Variants in SIRT1 observed in about 807,000 individuals in gnomAD.
SIRT1 encodes the protein sirtuin 1.
A neutral mutation model predicts 67.9 loss-of-function variants in SIRT1; 24 were observed. That is an observed-to-expected ratio of 0.35 (90% confidence interval 0.26 to 0.50). The LOEUF is 0.50. Ranked by LOEUF, SIRT1 falls within the 20% of genes least tolerant of loss-of-function variation. SIRT1 has a pLI of 0.98. For synonymous variants in SIRT1, 378 were observed against 350.7 expected (o/e 1.08, Z -0.87); for missense variants, 873 against 937.2 (o/e 0.93, Z 0.89).
At chr10:67,893,791 T>C (rs934198570) in intron 4 of SIRT1, among the ~76,000 whole-genome samples, 3 of 152,152 alleles carry the variant, frequency 2.0e-5, no homozygotes, top group African/African-American at 4.8e-5. Context: ...GGTCCGCCCA[T>C]CTCAGCCTCC....
intron 4 of SIRT1, among the ~76,000 whole-genome samples, chr10:67,897,733 G>A (rs549017271): frequency 6.6e-6 from 1 of 151,630 alleles, no homozygotes; most frequent in African/African-American, 2.4e-5. Flanking sequence ...CCTGACCTCA[G>A]GTGATCCACC....
chr10:67,906,077 C>G (rs1842816783), intron 4 of SIRT1: 1 of 1,134,692 alleles, frequency 8.8e-7, no homozygotes, highest in Non-Finnish European at 1.1e-6. Context: ...TTAATAAAAA[C>G]ACTGTCAAAA....
At chr10:67,893,839 C>T (rs528855993) in intron 4 of SIRT1, among the ~76,000 whole-genome samples, 1 of 152,154 alleles carries the variant, frequency 6.6e-6, no homozygotes, top group African/African-American at 2.4e-5. Context: ...CACCGCGCCC[C>T]GCGCCCTGCC....
intron 4 of SIRT1, among the ~76,000 whole-genome samples, chr10:67,904,123 G>GTTTTTTTTTTTT (rs1262495636): frequency 8.7e-5 from 10 of 115,450 alleles, no homozygotes; most frequent in Non-Finnish European, 1.8e-4. Context: ...AGTTTTTTTT[G>GTTTTTTTTTTTT]TTTGTTTTTT....
intron 2 of SIRT1, among the ~76,000 whole-genome samples, chr10:67,887,939 T>C (rs1175858303): frequency 1.3e-5 from 2 of 152,228 alleles, no homozygotes; most frequent in Admixed American, 6.5e-5. Context: ...CCTCACTTCA[T>C]ATTCCTTGTT....
At chr10:67,898,080 T>A in intron 4 of SIRT1, among the ~76,000 whole-genome samples, 1 of 147,208 alleles carries the variant, frequency 6.8e-6, no homozygotes. Context: ...ACCAACATGG[T>A]GAAACCCTGT....
intron 4 of SIRT1, among the ~76,000 whole-genome samples, chr10:67,905,663 T>C (rs1455416012): frequency 6.6e-6 from 1 of 152,214 alleles, no homozygotes; most frequent in Non-Finnish European, 1.5e-5. Flanking sequence ...CCACATCTGC[T>C]TACAGCCTGT....
intron 4 of SIRT1, among the ~76,000 whole-genome samples, chr10:67,903,650 G>A (rs185433637): frequency 1.3e-5 from 2 of 152,174 alleles, no homozygotes; most frequent in Admixed American, 6.5e-5. Flanking sequence ...GCCACCCAAA[G>A]TGCTGGGATT....
chr10:67,903,856 C>T (rs986750832), intron 4 of SIRT1, among the ~76,000 whole-genome samples: 1 of 152,160 alleles, frequency 6.6e-6, no homozygotes, highest in Non-Finnish European at 1.5e-5. Context: ...CTATAAGGAT[C>T]CCTATGGCAG....
chr10:67,904,067 A>G (rs145530509), intron 4 of SIRT1, among the ~76,000 whole-genome samples: 431 of 151,742 alleles, frequency 2.8e-3, no homozygotes, highest in Middle Eastern at 0.01. Context: ...GTGGTATATT[A>G]GAACAGTCCT....
chr10:67,891,056 G>C (rs927226802), intron 3 of SIRT1, among the ~76,000 whole-genome samples: 3 of 147,086 alleles, frequency 2.0e-5, no homozygotes, highest in Admixed American at 6.8e-5. Flanking sequence ...AAAAAAAAAA[G>C]AAAAAATTCT....
chr10:67,884,930 C>T lies in SIRT1; in HGVS notation c.209C>T (p.Ala70Val), dbSNP rs751564985. The change falls in exon 1 of 9, where the codon GCG (alanine) becomes GTG (valine). Residue 70 changes from alanine to valine, a missense_variant. By Grantham distance (64) the Ala-to-Val change is moderately conservative (BLOSUM62 0). Transcript: ENST00000212015. ...GCGGCGGCCAGGGGCTGCCCGGGTG[C>T]GGCGGCGGCGGCGCTGTGGCGGGAG... ...VPAAARGCPG[A>V]AAAALWREAE... 22 of 1,229,210 alleles carry T rather than the reference C, an allele frequency of 1.8e-5. 1 individual carries two copies. Among genetic ancestry groups the T allele is most frequent in the Middle Eastern group, 2.8e-4 (1 of 3,534 alleles). The allele number at this position is 1,229,210 out of a possible 1,614,324, so 76.1% of individuals were successfully genotyped here.
rs1842453887 is a variant in SIRT1 at position 67,885,096 on chromosome 10, C to A, written c.375C>A (p.Asp125Glu). The A allele has an allele frequency of 6.9e-7, 1 of 1,445,242 alleles. No individual in the cohort carries two copies. The highest frequency in any genetic ancestry group is 9.2e-7 in the Non-Finnish European group (1 of 1,092,418). 89.5% of individuals were successfully genotyped at this position (1,445,242 alleles called of 1,614,324 possible). The stretch of plus-strand genomic sequence containing the variant: ...CCGACAACTTGTACGACGAAGACGA[C>A]GACGACGAGGGCGAGGAGGAGGAAG... ...PLADNLYDED[D>E]DDEGEEEEEA... Residue 125 changes from aspartate to glutamate, a missense_variant, in exon 1 of 9, where the codon GAC (aspartate) becomes GAA (glutamate). Transcript: ENST00000212015.
In SIRT1 at chr10:67,916,618, A is replaced by G. The variant is rs746639568; in HGVS notation, c.*25A>G. On this transcript the variant is annotated 3_prime_UTR_variant, in exon 9 of 9. Coordinates refer to ENST00000212015, the MANE Select transcript of SIRT1 (RefSeq NM_012238.5). ...GTGTAATAATTGTGCAGGTACAGGAATTGTTCCACCAGCATTAGGAACTTT... is the reference window on the plus strand; with the variant it reads ...GTGTAATAATTGTGCAGGTACAGGAGTTGTTCCACCAGCATTAGGAACTTT... 4.4e-6 allele frequency: 7 copies of G among 1,573,400 alleles called. No individual in the cohort carries two copies. Among genetic ancestry groups the G allele is most frequent in the Non-Finnish European group, 6.1e-6 (7 of 1,153,522 alleles).
intron 4 of SIRT1, among the ~76,000 whole-genome samples, chr10:67,900,934 G>A (rs550227745): frequency 3.3e-5 from 5 of 151,980 alleles, no homozygotes; most frequent in Non-Finnish European, 5.9e-5. Context: ...ATAGTTGTAC[G>A]TGTACATTAT....
At chr10:67,893,166 A>G (rs1842600172) in intron 4 of SIRT1, among the ~76,000 whole-genome samples, 1 of 152,216 alleles carries the variant, frequency 6.6e-6, no homozygotes, top group Non-Finnish European at 1.5e-5. Context: ...GCCGGGATAC[A>G]TGTGCAGAAT....
intron 8 of SIRT1, among the ~76,000 whole-genome samples, chr10:67,915,759 T>C (rs1318139594): frequency 6.6e-6 from 1 of 152,260 alleles, no homozygotes; most frequent in East Asian, 1.9e-4. Context: ...GGGTATCTAA[T>C]GTAGGCTGGG....
chr10:67,895,444 T>C (rs1316868902), intron 4 of SIRT1, among the ~76,000 whole-genome samples: 3 of 152,012 alleles, frequency 2.0e-5, no homozygotes. Context: ...ATGGGGAGGG[T>C]ATGTAAATAT....
chr10:67,904,114 G>GT (rs371262925), intron 4 of SIRT1, among the ~76,000 whole-genome samples: 36 of 135,944 alleles, frequency 2.6e-4, no homozygotes, highest in South Asian at 1.2e-3. Flanking sequence ...AGATTTTTTA[G>GT]TTTTTTTTGT....
Sources: gnomAD v4.1 joint callset for allele counts (sites outside exome capture counted in the v4.1 genomes callset) on GRCh38, gnomAD v4.1.1 for gene constraint, MANE v1.5 for transcripts, NCBI Gene and HGNC (gene_info 2026-07-23, HGNC 2026-07-21) for gene names.